SHISAL2B: variants seen among roughly 807,000 people sequenced by gnomAD.
The protein encoded by SHISAL2B is shisa like 2B.
A neutral mutation model predicts 16.5 loss-of-function variants in SHISAL2B; 12 were observed. That is an observed-to-expected ratio of 0.73 (90% CI 0.47 to 1.18). The LOEUF (loss-of-function observed/expected upper bound fraction) is 1.18. Among genes scored for constraint, SHISAL2B ranks in the 50% most tolerant of loss-of-function variants. SHISAL2B has a pLI of 0.00. For synonymous variants in SHISAL2B, 72 were observed against 75.0 expected, an observed-to-expected ratio of 0.96 and a Z score of 0.21; for missense variants, 183 against 193.6, an observed-to-expected ratio of 0.95 and a Z score of 0.33.
chr5:64,700,681 G>T (rs964915394), intron 2 of SHISAL2B, among the ~76,000 whole-genome samples: 4 of 148,068 alleles, frequency 2.7e-5, no homozygotes, highest in Admixed American at 2.7e-4. Flanking sequence ...CCAAAGTGCT[G>T]GGATTATAGG....
chr5:64,709,537 A>C (rs920387237), intron 2 of SHISAL2B, among the ~76,000 whole-genome samples: 36 of 151,006 alleles, frequency 2.4e-4, no homozygotes, highest in Non-Finnish European at 5.2e-4. Flanking sequence ...ATTTATAGTC[A>C]TTTGGGTATA....
At chr5:64,711,464 A>G (rs1364532056) in intron 2 of SHISAL2B, among the ~76,000 whole-genome samples, 4 of 139,540 alleles carry the variant, frequency 2.9e-5, no homozygotes, top group Admixed American at 7.1e-5. Context: ...GGATTTTTGC[A>G]TCAATGTTCA....
intron 2 of SHISAL2B, among the ~76,000 whole-genome samples, chr5:64,700,548 C>G (rs1215708659): frequency 6.6e-6 from 1 of 152,154 alleles, no homozygotes; most frequent in Non-Finnish European, 1.5e-5. Flanking sequence ...GTAGCTGAGA[C>G]TACAGGCAGT....
intron 1 of SHISAL2B, chr5:64,691,374 A>AGTGTGTGTGTGTGTGTGTGTGTGTGTGT (rs55773294): frequency 3.6e-5 from 5 of 140,212 alleles, no homozygotes; most frequent in African/African-American, 1.1e-4. Context: ...TATTTTTAAA[A>AGTGTGTGTGTGTGTGTGTGTGTGTGTGT]GTGTGTGTGT....
rs375532978 is a variant in SHISAL2B at position 64,692,084 on chromosome 5, A to G, written c.191+1270A>G. Among the ~76,000 whole-genome samples the G allele has an allele frequency of 7.5e-4, 115 of 152,338 alleles. 1 individual carries two copies. The highest frequency in any genetic ancestry group is 3.4e-3 in the Middle Eastern group (1 of 294). On this transcript the variant is annotated intron_variant, in intron 1 of 2. Coordinates refer to ENST00000389074, the MANE Select transcript of SHISAL2B (RefSeq NM_001164442.2). ...TTTTGCTGGACAGGGGCAAAATGTC[A>G]GAAAATAATGATAGCTTATCCTTAG...
At chr5:64,715,403 AG>A (rs1421452872) in intron 2 of SHISAL2B, among the ~76,000 whole-genome samples, 1 of 152,114 alleles carries the variant, frequency 6.6e-6, no homozygotes, top group African/African-American at 2.4e-5. Context: ...ACTTCCCCTT[AG>A]GGAGGTTTGT....
intron 2 of SHISAL2B, 133 bp downstream of exon 2, chr5:64,695,797 C>A: frequency 1.7e-6 from 1 of 604,626 alleles, no homozygotes; most frequent in Non-Finnish European, 2.6e-6. Flanking sequence ...ACTAAAAATT[C>A]ACATTGAATC....
At chr5:64,707,979 A>T (rs1428406393) in intron 2 of SHISAL2B, among the ~76,000 whole-genome samples, 1 of 152,216 alleles carries the variant, frequency 6.6e-6, no homozygotes, top group Non-Finnish European at 1.5e-5. Flanking sequence ...ACAGCTGATT[A>T]TAAACCACCT....
At chr5:64,714,016 G>A (rs1395283390) in intron 2 of SHISAL2B, among the ~76,000 whole-genome samples, 2 of 134,010 alleles carry the variant, frequency 1.5e-5, no homozygotes, top group African/African-American at 6.4e-5. Flanking sequence ...TAATTTGATC[G>A]TCTGAAGCCT....
chr5:64,708,926 G>T (rs1420323922), intron 2 of SHISAL2B, among the ~76,000 whole-genome samples: 1 of 151,874 alleles, frequency 6.6e-6, no homozygotes, highest in Non-Finnish European at 1.5e-5. Context: ...TGCCACTCTA[G>T]GCCCTGGATT....
At chr5:64,701,926 C>G (rs760711621) in intron 2 of SHISAL2B, among the ~76,000 whole-genome samples, 30 of 152,242 alleles carry the variant, frequency 2.0e-4, no homozygotes, top group Non-Finnish European at 1.3e-4. Flanking sequence ...CCTTTCAATT[C>G]ATTATAGTTC....
intron 1 of SHISAL2B, among the ~76,000 whole-genome samples, chr5:64,692,056 G>T (rs186939784): frequency 1.3e-4 from 20 of 152,268 alleles, no homozygotes; most frequent in African/African-American, 4.3e-4. Context: ...TGACAAAATT[G>T]TATTTTGCTG....
chr5:64,707,785 C>G (rs551161094), intron 2 of SHISAL2B, among the ~76,000 whole-genome samples: 1 of 152,262 alleles, frequency 6.6e-6, no homozygotes, highest in Non-Finnish European at 1.5e-5. Flanking sequence ...ACATTTTAAG[C>G]AAAAAGTCAA....
chr5:64,713,786 C>T (rs754499975), intron 2 of SHISAL2B, among the ~76,000 whole-genome samples: 2,189 of 118,946 alleles, frequency 0.018, 50 homozygotes, highest in African/African-American at 0.076. Context: ...TCATTTCATT[C>T]ATTTCATCTT....
At chr5:64,695,905 A>G (rs1282250334) in intron 2 of SHISAL2B, among the ~76,000 whole-genome samples, 1 of 152,254 alleles carries the variant, frequency 6.6e-6, no homozygotes, top group Non-Finnish European at 1.5e-5. Flanking sequence ...TTGGTTCAGT[A>G]AATCTGCTTT....
At chr5:64,697,799 A>G in intron 2 of SHISAL2B, among the ~76,000 whole-genome samples, 1 of 152,340 alleles carries the variant, frequency 6.6e-6, no homozygotes, top group African/African-American at 2.4e-5. Context: ...CCCCACCCAT[A>G]TGCTCTATTT....
At chr5:64,695,751 G>A (rs746473911) in intron 2 of SHISAL2B, 87 bp downstream of exon 2, 81 of 1,019,480 alleles carry the variant, frequency 7.9e-5, no homozygotes, top group Admixed American at 2.2e-4. Context: ...TGTTAACAAT[G>A]AATGCTTTTT....
intron 2 of SHISAL2B, among the ~76,000 whole-genome samples, chr5:64,705,891 G>A (rs916879271): frequency 5.3e-5 from 8 of 152,148 alleles, no homozygotes; most frequent in Admixed American, 1.3e-4. Flanking sequence ...GGGTGCAGTG[G>A]CTCACACCTG....
intron 2 of SHISAL2B, among the ~76,000 whole-genome samples, chr5:64,696,119 A>G (rs1425504636): frequency 6.6e-6 from 1 of 152,230 alleles, no homozygotes; most frequent in African/African-American, 2.4e-5. Context: ...CAAAATTAAT[A>G]CTTTTATAAT....
Sources: allele counts gnomAD v4.1 joint callset (sites outside exome capture counted in the v4.1 genomes callset), GRCh38; gene constraint gnomAD v4.1.1; transcripts MANE v1.5; gene names NCBI Gene and HGNC (gene_info 2026-07-23, HGNC 2026-07-21).